TRIM36: variants seen among roughly 807,000 people sequenced by gnomAD.
TRIM36 encodes tripartite motif containing 36.
In TRIM36, 42 loss-of-function variants were observed where a neutral mutation model predicts 72.4. That is an observed-to-expected ratio of 0.58 (90% CI 0.45 to 0.75). The LOEUF is 0.75. Among genes scored for constraint, TRIM36 ranks in the 30% least tolerant of loss-of-function variants. The pLI is 0.00. For synonymous variants in TRIM36, 315 were observed against 282.8 expected (o/e 1.11, Z -1.14); for missense variants, 913 against 857.1 (o/e 1.07, Z -0.81).
chr5:115,170,079 T>A, upstream of TRIM36: 1 of 668,218 alleles, frequency 1.5e-6, no homozygotes, highest in Non-Finnish European at 1.9e-6. Flanking sequence ...CGGCTGGGCG[T>A]GGGTGTGGCA....
chr5:115,128,609 G>A (rs1403291852), intron 9 of TRIM36, among the ~76,000 whole-genome samples: 12 of 147,554 alleles, frequency 8.1e-5, no homozygotes, highest in East Asian at 2.0e-4. Context: ...AAAATTAGCC[G>A]GGCGCGGTGG....
Position 115,177,653 on chromosome 5 carries a change from A to G in TRIM36, c.63+2322T>C, listed in dbSNP as rs886140048. ...GGCGGGGCAGGATTTGAGCCTGAGGAGAGTGGTAGGAAATAAGCTTACGTT... is the reference window on the plus strand; with the variant it reads ...GGCGGGGCAGGATTTGAGCCTGAGGGGAGTGGTAGGAAATAAGCTTACGTT... On this transcript the variant is annotated intron_variant, in intron 1 of 9. Coordinates refer to the TRIM36 transcript ENST00000282369. 6 of 1,587,344 alleles carry G rather than the reference A, an allele frequency of 3.8e-6. No homozygotes were observed. In the African/African-American group the frequency reaches 5.4e-5, roughly 14 times the overall value.
chr5:115,172,506 C>G (rs1275518313), upstream of TRIM36, among the ~76,000 whole-genome samples: 1 of 152,158 alleles, frequency 6.6e-6, no homozygotes, highest in Admixed American at 6.5e-5. Flanking sequence ...GAGGCCGAGG[C>G]AGGTGGATCA....
chr5:115,174,467 G>C (rs993565861), upstream of TRIM36, among the ~76,000 whole-genome samples: 1 of 152,186 alleles, frequency 6.6e-6, no homozygotes, highest in African/African-American at 2.4e-5. Context: ...TGGGTATCAG[G>C]AGGTTACCAG....
Position 115,144,618 on chromosome 5 carries a change from T to C in TRIM36, c.715A>G (p.Ser239Gly), listed in dbSNP as rs1421552877. The C allele has an allele frequency of 3.7e-6, 6 of 1,613,846 alleles. No homozygotes were observed. The South Asian group carries it at 4.4e-5, about 12-fold the overall frequency. Residue 239 changes from serine to glycine, a missense_variant, in exon 4 of 10, where the codon AGT (serine) becomes GGT (glycine). Transcript: ENST00000513154. ...HANHRVTTMS[S>G]AYKTLKEKLS... ...CCTACCTTTAAGGTTTTGTAGGCACTGCTCATAGTGGTTACACGGTGGTTG... is the reference window on the plus strand; with the variant it reads ...CCTACCTTTAAGGTTTTGTAGGCACCGCTCATAGTGGTTACACGGTGGTTG...
intron 8 of TRIM36, among the ~76,000 whole-genome samples, chr5:115,132,254 C>A (rs373175169): frequency 2.9e-4 from 44 of 151,166 alleles, no homozygotes; most frequent in African/African-American, 1.0e-3. Flanking sequence ...CTGCTAGCAG[C>A]TGGGCCTGGT....
chr5:115,175,984 G>T (rs1755319849), intron 1 of TRIM36, among the ~76,000 whole-genome samples: 1 of 152,042 alleles, frequency 6.6e-6, no homozygotes, highest in African/African-American at 2.4e-5. Context: ...AAATTAGCCG[G>T]GCATGGTGGC....
chr5:115,178,396 C>T (rs904337601), intron 1 of TRIM36, among the ~76,000 whole-genome samples: 1 of 152,196 alleles, frequency 6.6e-6, no homozygotes, highest in Non-Finnish European at 1.5e-5. Flanking sequence ...TAGACCTGGG[C>T]AGTCGGTGTC....
Position 115,126,789 on chromosome 5 carries a change from G to C in TRIM36, c.1865C>G (p.Thr622Ser). The C allele has an allele frequency of 1.2e-6, 2 of 1,614,084 alleles. No individual in the cohort carries two copies. Among genetic ancestry groups the C allele is most frequent in the Non-Finnish European group, 1.7e-6 (2 of 1,180,012 alleles). Reference protein sequence around the residue: ...DACFDSSQPFTLVTIGMQKFF... With the variant: ...DACFDSSQPFSLVTIGMQKFF... ...TTTCTGCATGCCTATAGTAACTAAG[G>C]TAAATGGTTGTGAAGAATCAAAACA... The change falls in exon 10 of 10, where the codon ACC becomes AGC. Residue 622 changes from threonine (T) to serine (S), a missense_variant. Physicochemically the swap from Thr to Ser is moderately conservative, Grantham distance 58 (BLOSUM62 1). Coordinates refer to ENST00000513154, the MANE Select transcript of TRIM36 (RefSeq NM_001300759.2).
At chr5:115,128,338 C>A (rs1334237137) in intron 9 of TRIM36, among the ~76,000 whole-genome samples, 2 of 144,294 alleles carry the variant, frequency 1.4e-5, no homozygotes, top group African/African-American at 2.6e-5. Flanking sequence ...CATTGTACTC[C>A]AGCCTGGGCA....
chr5:115,131,783 A>G (rs567039884), intron 8 of TRIM36, among the ~76,000 whole-genome samples: 2 of 152,230 alleles, frequency 1.3e-5, no homozygotes, highest in South Asian at 4.1e-4. Flanking sequence ...ATGTAAAAGG[A>G]CAAATATTGC....
intron 8 of TRIM36, among the ~76,000 whole-genome samples, chr5:115,133,178 C>A (rs1228361878): frequency 6.6e-6 from 1 of 152,150 alleles, no homozygotes; most frequent in Non-Finnish European, 1.5e-5. Context: ...CCAGGCTGAG[C>A]ACAATTTTGG....
rs1752372194 is a variant in TRIM36, at chr5:115,126,631, A to G, written c.2023T>C (p.Cys675Arg). 1 of 1,614,150 alleles carries G rather than the reference A, an allele frequency of 6.2e-7. No individual in the cohort carries two copies. The highest frequency in any genetic ancestry group is 8.5e-7 in the Non-Finnish European group (1 of 1,180,026). The stretch of plus-strand genomic sequence containing the variant: ...CAGTCCACTTGGCGTTCATAAAGGC[A>G]TTTCATCTGATCCATATCATAGAAA... ...VDFYDMDQMK[C>R]LYERQVDCSH... The change falls in exon 10 of 10, where the codon TGC becomes CGC. Residue 675 changes from cysteine to arginine, a missense_variant. By Grantham distance (180) the Cys-to-Arg change is radical. Coordinates refer to ENST00000513154, the MANE Select transcript of TRIM36 (RefSeq NM_001300759.2).
In TRIM36 at chr5:115,134,019, C is replaced by T. The variant is rs1403375201; in HGVS notation, c.1339G>A (p.Asp447Asn). The change falls in exon 8 of 10, where the codon GAT (aspartate) becomes AAT (asparagine). Residue 447 changes from aspartate (D) to asparagine (N), a missense_variant. Asp to Asn is a conservative substitution (Grantham distance 23). Transcript: ENST00000513154. The part of the protein sequence containing the change: ...VLEYRKINRD[D>N]EMSWNEIEVC... ...TCTATCTCATTCCATGACATTTCATCATCTCTATTGATTTTCCGATATTCA... is the reference window on the plus strand; with the variant it reads ...TCTATCTCATTCCATGACATTTCATTATCTCTATTGATTTTCCGATATTCA... The T allele has an allele frequency of 2.5e-6, 4 of 1,613,956 alleles. No homozygotes were observed. In the East Asian group the frequency reaches 8.9e-5, roughly 36 times the overall value.
At chr5:115,171,234 G>T, upstream of TRIM36, 1 of 1,614,056 alleles carries the variant, frequency 6.2e-7, no homozygotes, top group Non-Finnish European at 8.5e-7. Flanking sequence ...TAAATAAGGA[G>T]TGTAGAATTA....
intron 7 of TRIM36, among the ~76,000 whole-genome samples, chr5:115,136,341 CCATTTAT>C (rs1752964489): frequency 6.6e-6 from 1 of 151,958 alleles, no homozygotes; most frequent in Non-Finnish European, 1.5e-5. Context: ...GAGAAGATAG[CCATTTAT>C]CATTTATCAA....
chr5:115,178,226 A>T (rs898144523), intron 1 of TRIM36, among the ~76,000 whole-genome samples: 1 of 152,206 alleles, frequency 6.6e-6, no homozygotes, highest in African/African-American at 2.4e-5. Context: ...ACTTTGAAGA[A>T]TATCTGAGCG....
upstream of TRIM36, chr5:115,180,242 C>A (rs980860290): frequency 1.4e-5 from 7 of 505,502 alleles, no homozygotes; most frequent in African/African-American, 1.0e-4. Context: ...GCAGCCTCGC[C>A]CGGCTTGCTA....
At position 115,141,273 on chromosome 5, in the gene TRIM36, A is replaced by C. The variant is rs779971761; in HGVS notation, c.831+6T>G. 1.3e-6 allele frequency: 2 copies of C among 1,575,740 alleles called. No individual in the cohort carries two copies. Among genetic ancestry groups the C allele is most frequent in the Non-Finnish European group, 1.7e-6 (2 of 1,159,064 alleles). On this transcript the variant is annotated splice_donor_region_variant and intron_variant, in intron 5 of 9. Transcript: ENST00000513154. ...TTTAAAATATGCAAGCTAGTTTATC[A>C]CTTACCTCTGTTTCTTTCATTAACA...
Sources: gnomAD v4.1 joint callset for allele counts (sites outside exome capture counted in the v4.1 genomes callset) on GRCh38, gnomAD v4.1.1 for gene constraint, MANE v1.5 for transcripts, NCBI Gene and HGNC (gene_info 2026-07-23, HGNC 2026-07-21) for gene names.